The following SHISA9 variants were observed in gnomAD, a reference collection of about 807,000 sequenced individuals.
SHISA9 encodes the protein protein shisa-9.
SHISA9 carries 13 observed loss-of-function variants against 38.0 expected under a neutral mutation model. The observed-to-expected ratio is 0.34, with a 90% CI of 0.22 to 0.54. The LOEUF (loss-of-function observed/expected upper bound fraction) is 0.54, where lower values mean the gene tolerates loss of function less well. Among genes scored for constraint, SHISA9 ranks in the 20% least tolerant of loss-of-function variants. SHISA9 has a pLI of 0.91. For missense variants in SHISA9, 538 were observed against 575.8 expected, an observed-to-expected ratio of 0.93 and a Z score of 0.67; for synonymous variants, 275 against 242.0, an observed-to-expected ratio of 1.14 and a Z score of -1.27.
chr16:13,391,558 G>A, the SHISA9 span, among the ~76,000 whole-genome samples: 4 of 152,196 alleles, frequency 2.6e-5, no homozygotes, highest in Admixed American at 1.3e-4. Context: ...AGATGGCTGG[G>A]TTCGGGGGGA....
chr16:13,030,508 C>T (rs773562595), intron 2 of SHISA9, among the ~76,000 whole-genome samples: 26 of 152,270 alleles, frequency 1.7e-4, no homozygotes, highest in South Asian at 4.1e-4. Context: ...CTAACTTCCC[C>T]GTTCCCCTTT....
chr16:13,264,504 G>A, the SHISA9 span, among the ~76,000 whole-genome samples: 1 of 152,152 alleles, frequency 6.6e-6, no homozygotes, highest in South Asian at 2.1e-4. Context: ...GGAAACCAGG[G>A]GCGGAGTTTC....
At chr16:13,405,223 G>T in the SHISA9 span, among the ~76,000 whole-genome samples, 2 of 152,136 alleles carry the variant, frequency 1.3e-5, no homozygotes, top group African/African-American at 4.8e-5. Flanking sequence ...AGTCAATTCC[G>T]AATATGTTAT....
rs1293891484 is a variant in SHISA9, at chr16:13,237,179, C to T, written c.*1770C>T. 6.6e-6 allele frequency: 1 copy of T among 152,166 alleles called. No individual in the cohort carries two copies. The highest frequency in any genetic ancestry group is 1.5e-5 in the Non-Finnish European group (1 of 68,044). 9.4% of individuals were successfully genotyped at this position (152,166 alleles called of 1,614,324 possible). ...TGAAATCCTGAGCTGCAAGGTTCTG[C>T]CTCACCTGTCTCTCCACTCTGACAT... On this transcript the variant is annotated 3_prime_UTR_variant, in exon 5 of 5. Transcript: ENST00000558583.
At chr16:13,258,085 T>C in the SHISA9 span, among the ~76,000 whole-genome samples, 33 of 152,202 alleles carry the variant, frequency 2.2e-4, no homozygotes, top group Non-Finnish European at 4.0e-4. Context: ...GGCCGTGTAA[T>C]TGTATTCTTG....
At chr16:13,329,679 C>G in the SHISA9 span, among the ~76,000 whole-genome samples, 1 of 152,114 alleles carries the variant, frequency 6.6e-6, no homozygotes. Flanking sequence ...AATAACATGC[C>G]CAGGACAACC....
the SHISA9 span, among the ~76,000 whole-genome samples, chr16:13,247,788 A>G: frequency 6.6e-6 from 1 of 152,186 alleles, no homozygotes; most frequent in Non-Finnish European, 1.5e-5. Flanking sequence ...GCAAGTTCAG[A>G]GGTTTCAGTT....
At position 13,143,715 on chromosome 16, in the gene SHISA9, C is replaced by A. The variant is rs13338381; in HGVS notation, c.692-59679C>A. ...AGGCAAATGAATTCTCCCCCATGGG[C>A]CAAACCACATAGGAAGCTACATTAC... On this transcript the variant is annotated intron_variant, in intron 2 of 4. Transcript: ENST00000558583. Among the ~76,000 whole-genome samples the A allele has an allele frequency of 7.2e-3, 1,100 of 152,322 alleles. 16 individuals carry two copies. The highest frequency in any genetic ancestry group is 0.025 in the African/African-American group (1,019 of 41,574).
At chr16:13,081,393 G>A (rs901308341) in intron 2 of SHISA9, among the ~76,000 whole-genome samples, 2 of 152,296 alleles carry the variant, frequency 1.3e-5, no homozygotes, top group African/African-American at 2.4e-5. Flanking sequence ...AGGGTCAGGC[G>A]AGGCTGACAA....
the SHISA9 span, among the ~76,000 whole-genome samples, chr16:13,384,201 A>G: frequency 2.6e-5 from 4 of 152,172 alleles, no homozygotes; most frequent in African/African-American, 9.7e-5. Context: ...CGAAAAATTC[A>G]GGATAGGAAC....
the SHISA9 span, among the ~76,000 whole-genome samples, chr16:13,405,014 T>G: frequency 6.6e-6 from 1 of 152,192 alleles, no homozygotes; most frequent in Non-Finnish European, 1.5e-5. Context: ...TGGAAGACAC[T>G]GCGTCCCTTC....
the SHISA9 span, among the ~76,000 whole-genome samples, chr16:13,436,094 C>A: frequency 6.6e-6 from 1 of 152,148 alleles, no homozygotes; most frequent in African/African-American, 2.4e-5. Context: ...GTGTTAGAAC[C>A]AGAGTGACTC....
At position 13,175,276 on chromosome 16, in the gene SHISA9, C is replaced by A. The variant is rs565302391; in HGVS notation, c.692-28118C>A. Among the ~76,000 whole-genome samples the A allele has an allele frequency of 2.0e-5, 3 of 152,260 alleles. No individual in the cohort carries two copies. In the South Asian group the frequency reaches 6.2e-4, roughly 32 times the overall value. ...TGGTGGCACATGCCTGTGGTCCCAGCTACTCTGGAGGCTGAGGTGGGAGGA... is the reference window on the plus strand; with the variant it reads ...TGGTGGCACATGCCTGTGGTCCCAGATACTCTGGAGGCTGAGGTGGGAGGA... On this transcript the variant is annotated intron_variant, in intron 2 of 4. Transcript: ENST00000558583.
the SHISA9 span, among the ~76,000 whole-genome samples, chr16:13,271,671 T>C: frequency 1.9e-3 from 288 of 152,168 alleles, 1 homozygote; most frequent in African/African-American, 6.5e-3. Context: ...TCTAGGTATA[T>C]GAAATGTCTG....
rs141245765 is a variant in SHISA9 at position 12,927,054 on chromosome 16, G to C, written c.691+10239G>C. On this transcript the variant is annotated intron_variant, in intron 2 of 4. Transcript: ENST00000558583. ...CAGATTTTTTTTCAGTCAGCCTGCT[G>C]TTCCTTTAATAGATTAGTGTTGAAT... 5.3e-3 allele frequency among the ~76,000 whole-genome samples: 811 copies of C among 152,252 alleles called. 11 individuals are homozygous for C. Among genetic ancestry groups the C allele is most frequent in the African/African-American group, 0.018 (743 of 41,538 alleles).
chr16:12,925,325 A>C (rs1476182701), intron 2 of SHISA9, among the ~76,000 whole-genome samples: 1 of 152,030 alleles, frequency 6.6e-6, no homozygotes, highest in African/African-American at 2.4e-5. Flanking sequence ...AAAACACATG[A>C]GCTTTTGTTC....
chr16:13,487,198 C>T, the SHISA9 span, among the ~76,000 whole-genome samples: 1 of 152,140 alleles, frequency 6.6e-6, no homozygotes, highest in Non-Finnish European at 1.5e-5. Flanking sequence ...TGCAGATGCT[C>T]AAGTTGCATA....
At chr16:13,499,250 A>G in the SHISA9 span, among the ~76,000 whole-genome samples, 3 of 152,360 alleles carry the variant, frequency 2.0e-5, no homozygotes, top group South Asian at 6.2e-4. Context: ...AGGAACAAGA[A>G]AAGTGTTATT....
chr16:13,063,013 T>C (rs867423122), intron 2 of SHISA9, among the ~76,000 whole-genome samples: 39 of 152,218 alleles, frequency 2.6e-4, no homozygotes, highest in African/African-American at 8.2e-4. Flanking sequence ...TTTCTTTTTT[T>C]TTCTTTTTTT....
Sources: gnomAD v4.1 joint callset for allele counts (sites outside exome capture counted in the v4.1 genomes callset) on GRCh38, gnomAD v4.1.1 for gene constraint, MANE v1.5 for transcripts, NCBI Gene and HGNC (gene_info 2026-07-23, HGNC 2026-07-21) for gene names.